The following CIMIP1 variants were observed in gnomAD, a reference collection of about 807,000 sequenced individuals.
The protein encoded by CIMIP1 is low in lung cancer 1.
At chr20:58,160,807 G>T in the CIMIP1 span, 1 of 1,612,454 alleles carries the variant, frequency 6.2e-7, no homozygotes. Context: ...GCTGGCCCAA[G>T]CAGGGCGTGC....
chr20:58,151,645 C>G, the CIMIP1 span, among the ~76,000 whole-genome samples: 13 of 151,996 alleles, frequency 8.6e-5, no homozygotes, highest in Admixed American at 8.5e-4. Context: ...GAATTCCTGA[C>G]GTCGTGATCC....
At chr20:58,153,095 G>T in the CIMIP1 span, among the ~76,000 whole-genome samples, 3 of 152,170 alleles carry the variant, frequency 2.0e-5, no homozygotes, top group Non-Finnish European at 4.4e-5. Flanking sequence ...GTCGGATTAG[G>T]GTGGGGCAAG....
chr20:58,155,846 A>T, the CIMIP1 span, among the ~76,000 whole-genome samples: 1 of 152,220 alleles, frequency 6.6e-6, no homozygotes, highest in Admixed American at 6.5e-5. Flanking sequence ...TCTTTCAGCA[A>T]ACATTTCCAG....
chr20:58,155,743 A>C, the CIMIP1 span, among the ~76,000 whole-genome samples: 8 of 152,228 alleles, frequency 5.3e-5, no homozygotes, highest in African/African-American at 1.9e-4. Flanking sequence ...CAGCCATGGG[A>C]AACATGCCAG....
the CIMIP1 span, among the ~76,000 whole-genome samples, chr20:58,156,907 A>G: frequency 6.6e-6 from 1 of 152,130 alleles, no homozygotes; most frequent in Non-Finnish European, 1.5e-5. Context: ...TTTGCCTGGC[A>G]TGCTCGTGGT....
chr20:58,159,183 CT>C, the CIMIP1 span, among the ~76,000 whole-genome samples: 119 of 104,078 alleles, frequency 1.1e-3, no homozygotes, highest in East Asian at 4.7e-3. Flanking sequence ...GCACTTTCTT[CT>C]TTTTTTTTTT....
At chr20:58,160,137 T>C in the CIMIP1 span, among the ~76,000 whole-genome samples, 1 of 152,218 alleles carries the variant, frequency 6.6e-6, no homozygotes. Flanking sequence ...AGTTGACAAA[T>C]GAAGTTGTGT....
chr20:58,151,316 T>G, the CIMIP1 span, among the ~76,000 whole-genome samples: 1 of 151,980 alleles, frequency 6.6e-6, no homozygotes, highest in Non-Finnish European at 1.5e-5. Context: ...ATTGGCTTGT[T>G]GAAATCCAAC....
At chr20:58,160,826 CA>C in the CIMIP1 span, 1 of 1,609,674 alleles carries the variant, frequency 6.2e-7, no homozygotes, top group Non-Finnish European at 8.5e-7. Flanking sequence ...GCACTGAATC[CA>C]GACGGAGTTC....
chr20:58,159,888 C>T, the CIMIP1 span, among the ~76,000 whole-genome samples: 4 of 152,216 alleles, frequency 2.6e-5, no homozygotes. Context: ...CAGCAGCAGC[C>T]AGCCCACTCG....
the CIMIP1 span, chr20:58,151,148 G>A: frequency 2.2e-5 from 21 of 950,962 alleles, no homozygotes; most frequent in Non-Finnish European, 3.3e-5. Context: ...AACTCGAGGG[G>A]CAGAGGGGCG....
chr20:58,160,292 C>T, the CIMIP1 span, among the ~76,000 whole-genome samples: 375 of 152,264 alleles, frequency 2.5e-3, 2 homozygotes, highest in Non-Finnish European at 4.0e-3. Context: ...AACAGGGTGA[C>T]GTGCACCTGC....
chr20:58,151,680 T>C, the CIMIP1 span, among the ~76,000 whole-genome samples: 64 of 152,252 alleles, frequency 4.2e-4, no homozygotes, highest in Non-Finnish European at 1.5e-4. Context: ...CCCAAAGTGT[T>C]AGGATTGCAT....
At chr20:58,152,749 T>C in the CIMIP1 span, among the ~76,000 whole-genome samples, 21 of 145,134 alleles carry the variant, frequency 1.4e-4, no homozygotes, top group African/African-American at 5.3e-4. Flanking sequence ...AAAAAAAGAC[T>C]GTCACCTGTT....
chr20:58,155,327 A>G, the CIMIP1 span: 1 of 630,570 alleles, frequency 1.6e-6, no homozygotes. Context: ...TTCTGTGTCT[A>G]TAAAATGCGC....
chr20:58,153,601 G>GT, the CIMIP1 span: 1 of 1,613,652 alleles, frequency 6.2e-7, no homozygotes, highest in African/African-American at 1.3e-5. Flanking sequence ...AGAACTGGGG[G>GT]TTTTTAACAA....
chr20:58,157,433 A>G, the CIMIP1 span, among the ~76,000 whole-genome samples: 5 of 152,348 alleles, frequency 3.3e-5, no homozygotes, highest in East Asian at 9.6e-4. Context: ...ATGTTCATGT[A>G]TACGTATATA....
At chr20:58,157,829 G>C in the CIMIP1 span, among the ~76,000 whole-genome samples, 2 of 152,232 alleles carry the variant, frequency 1.3e-5, no homozygotes, top group Non-Finnish European at 2.9e-5. Flanking sequence ...CTGTGGCCTA[G>C]AACACTGGGC....
At chr20:58,159,098 T>C in the CIMIP1 span, among the ~76,000 whole-genome samples, 4 of 151,964 alleles carry the variant, frequency 2.6e-5, no homozygotes, top group African/African-American at 9.7e-5. Flanking sequence ...CATGGGTGTG[T>C]ACCTGTGTAG....
Sources: allele counts gnomAD v4.1 joint callset (sites outside exome capture counted in the v4.1 genomes callset), GRCh38; gene constraint gnomAD v4.1.1; transcripts MANE v1.5; gene names NCBI Gene and HGNC (gene_info 2026-07-23, HGNC 2026-07-21).